The following CDH18 variants were observed in gnomAD, a reference collection of about 807,000 sequenced individuals.
The protein encoded by CDH18 is cadherin-18.
CDH18 carries 31 observed loss-of-function variants against 67.9 expected under a neutral mutation model. The observed-to-expected ratio is 0.46, with a 90% CI of 0.34 to 0.62. CDH18 has a LOEUF of 0.62. Among genes scored for constraint, CDH18 ranks in the 20% least tolerant of loss-of-function variants. CDH18 has a pLI of 0.01. For synonymous variants in CDH18, 362 were observed against 347.2 expected (o/e 1.04, Z -0.48); for missense variants, 890 against 975.5 (o/e 0.91, Z 1.17).
intron 2 of CDH18, among the ~76,000 whole-genome samples, chr5:19,911,629 C>T (rs925104683): frequency 5.3e-5 from 8 of 151,762 alleles, no homozygotes; most frequent in African/African-American, 1.2e-4. Flanking sequence ...GTGAGGACAC[C>T]GAGAGAAGAC....
At chr5:19,974,243 G>A (rs556139118) in intron 2 of CDH18, among the ~76,000 whole-genome samples, 7 of 151,982 alleles carry the variant, frequency 4.6e-5, no homozygotes, top group Admixed American at 2.6e-4. Flanking sequence ...GTAAATAGGC[G>A]GTGTTGTCCC....
chr5:20,537,531 AT>A (rs1307955249), intron 1 of CDH18, among the ~76,000 whole-genome samples: 3 of 152,200 alleles, frequency 2.0e-5, no homozygotes, highest in East Asian at 1.9e-4. Context: ...CTATTAATTA[AT>A]TTTTTTAAAA....
intron 2 of CDH18, among the ~76,000 whole-genome samples, chr5:20,043,806 C>A (rs1023559472): frequency 6.6e-6 from 1 of 152,116 alleles, no homozygotes; most frequent in African/African-American, 2.4e-5. Context: ...TCCTCTGATC[C>A]AGTTTGGTAA....
In CDH18 at chr5:20,352,624, CAAAAAA is replaced by C. The variant is rs35947411; in HGVS notation, c.-579-97125_-579-97120del. Among the ~76,000 whole-genome samples the C allele has an allele frequency of 6.8e-3, 607 of 89,108 alleles. 2 individuals are homozygous for C. Among genetic ancestry groups the C allele is most frequent in the African/African-American group, 0.02 (536 of 26,328 alleles). 58.5% of individuals were successfully genotyped at this position (89,108 alleles called of 152,430 possible). Reference sequence around the variant, plus strand: ...TGAAACCCCGTCTCTACTAAAAATACAAAAAAAAAAAAAAAAAAAAATTAGCCAGGC... The same window carrying C: ...TGAAACCCCGTCTCTACTAAAAATACAAAAAAAAAAAAAAATTAGCCAGGC... On this transcript the variant is annotated intron_variant, in intron 1 of 14. Coordinates refer to the CDH18 transcript ENST00000507958.
chr5:19,894,501 AT>A (rs759567496), intron 2 of CDH18, among the ~76,000 whole-genome samples: 46 of 152,158 alleles, frequency 3.0e-4, no homozygotes, highest in African/African-American at 9.1e-4. Context: ...CTAAAAAAAA[AT>A]ATTTCTAAAT....
At chr5:19,795,051 C>A (rs1385385594) in intron 3 of CDH18, among the ~76,000 whole-genome samples, 1 of 152,092 alleles carries the variant, frequency 6.6e-6, no homozygotes, top group Non-Finnish European at 1.5e-5. Flanking sequence ...CAGCAAAAGG[C>A]AGCTCAGCTT....
At chr5:20,187,431 A>T (rs2126705496) in intron 2 of CDH18, among the ~76,000 whole-genome samples, 1 of 151,980 alleles carries the variant, frequency 6.6e-6, no homozygotes, top group East Asian at 1.9e-4. Flanking sequence ...GGACCAAGAC[A>T]TCATTTTCAC....
rs1738320542 is a variant in CDH18 at position 19,475,606 on chromosome 5, G to A, written c.1883-1890C>T. Among the ~76,000 whole-genome samples, 5 of 151,804 alleles carry A rather than the reference G, an allele frequency of 3.3e-5. No individual in the cohort carries two copies. In the South Asian group the frequency reaches 1.0e-3, roughly 32 times the overall value. Reference sequence around the variant, plus strand: ...TAAGTGTGTCCCATATAATATTTGAGATACACACAGGCAAATATTGTGCTA... The same window carrying A: ...TAAGTGTGTCCCATATAATATTTGAAATACACACAGGCAAATATTGTGCTA... On this transcript the variant is annotated intron_variant, in intron 12 of 12. Transcript: ENST00000382275.
intron 1 of CDH18, among the ~76,000 whole-genome samples, chr5:20,447,393 G>A (rs1750084354): frequency 6.6e-6 from 1 of 151,850 alleles, no homozygotes; most frequent in Admixed American, 6.6e-5. Flanking sequence ...AAAAAAAAAG[G>A]GCTACACACA....
rs1185253638 is a variant in CDH18, at chr5:19,612,520, G to A, written c.725C>T (p.Ala242Val). 1.2e-6 allele frequency: 2 copies of A among 1,613,990 alleles called. No individual in the cohort carries two copies. The highest frequency in any genetic ancestry group is 1.3e-5 in the African/African-American group (1 of 75,002). ...TCCTGAAAGCCCTCCAACTTGCCCA[G>A]CCATGTCTTTGGCTTGAATGACTAC... The part of the protein sequence containing the change: ...YSVVIQAKDM[A>V]GQVGGLSGST... Residue 242 changes from alanine (A) to valine (V), a missense_variant, in exon 6 of 13, where the codon GCT (alanine) becomes GTT (valine). Physicochemically the swap from Ala to Val is moderately conservative, Grantham distance 64. This residue lies in a region of CDH18 where 234 missense variants were observed against 307.4 expected (regional missense o/e 0.76). Transcript: ENST00000382275.
intron 4 of CDH18, among the ~76,000 whole-genome samples, chr5:19,736,667 G>C (rs1447929949): frequency 6.6e-6 from 1 of 152,204 alleles, no homozygotes; most frequent in Non-Finnish European, 1.5e-5. Flanking sequence ...TATAACAAAA[G>C]CTATCACATT....
At chr5:19,548,862 T>C (rs141738888) in intron 8 of CDH18, among the ~76,000 whole-genome samples, 2,266 of 151,934 alleles carry the variant, frequency 0.015, 47 homozygotes, top group African/African-American at 0.051. Flanking sequence ...ACAATTCTCT[T>C]GCCTCAGCCT....
intron 4 of CDH18, among the ~76,000 whole-genome samples, chr5:19,724,488 T>C (rs1766539261): frequency 6.8e-6 from 1 of 146,092 alleles, no homozygotes; most frequent in African/African-American, 2.5e-5. Flanking sequence ...TCTGTAGAAC[T>C]GAGCACACTC....
At chr5:20,516,892 T>C (rs1755412447) in intron 1 of CDH18, among the ~76,000 whole-genome samples, 1 of 152,000 alleles carries the variant, frequency 6.6e-6, no homozygotes, top group African/African-American at 2.4e-5. Context: ...TTTTCAAATC[T>C]TGAAGACAAG....
At chr5:19,993,679 A>G (rs1474569373) in intron 2 of CDH18, among the ~76,000 whole-genome samples, 1 of 152,078 alleles carries the variant, frequency 6.6e-6, no homozygotes, top group East Asian at 1.9e-4. Context: ...ATACCTCTAT[A>G]TATCTTTTCT....
intron 12 of CDH18, among the ~76,000 whole-genome samples, chr5:19,476,453 G>C (rs1738484477): frequency 6.6e-6 from 1 of 151,892 alleles, no homozygotes; most frequent in Non-Finnish European, 1.5e-5. Context: ...GGGTAAAAAA[G>C]GCTTTTGCTG....
At position 19,900,929 on chromosome 5, in the gene CDH18, G is replaced by C. The variant is rs150514226; in HGVS notation, c.-256-61687C>G. 5.6e-3 allele frequency among the ~76,000 whole-genome samples: 852 copies of C among 152,136 alleles called. 4 individuals carry two copies. Among genetic ancestry groups the C allele is most frequent in the Admixed American group, 0.011 (168 of 15,262 alleles). ...CCTTCCAAGAATATCATGTGTCTAA[G>C]TGGAAAAAATTAACAACTTAGGAAT... On this transcript the variant is annotated intron_variant, in intron 2 of 12. Coordinates refer to ENST00000382275, the MANE Select transcript of CDH18 (RefSeq NM_004934.5).
At chr5:20,240,833 GA>G (rs919412900) in intron 2 of CDH18, among the ~76,000 whole-genome samples, 2 of 151,416 alleles carry the variant, frequency 1.3e-5, no homozygotes, top group East Asian at 1.9e-4. Flanking sequence ...ATTTGGGTGG[GA>G]AAAAAAAGAA....
At chr5:20,512,949 G>C (rs1308463317) in intron 1 of CDH18, among the ~76,000 whole-genome samples, 1 of 151,444 alleles carries the variant, frequency 6.6e-6, no homozygotes, top group Non-Finnish European at 1.5e-5. Context: ...GGCCTAGATG[G>C]TTTCTACATG....
Sources: allele counts gnomAD v4.1 joint callset (sites outside exome capture counted in the v4.1 genomes callset), GRCh38; gene constraint gnomAD v4.1.1; regional missense constraint gnomAD v4.1.1; transcripts MANE v1.5; gene names NCBI Gene and HGNC (gene_info 2026-07-23, HGNC 2026-07-21).